Variants in TTN observed in about 807,000 individuals in gnomAD.
The protein encoded by TTN is titin.
In TTN, 1,525 loss-of-function variants were observed where a neutral mutation model predicts 3,223.0. That is an observed-to-expected ratio of 0.47 (90% CI 0.45 to 0.49). The LOEUF (loss-of-function observed/expected upper bound fraction) is 0.49, where lower values mean the gene tolerates loss of function less well. TTN is among the 20% of genes least tolerant of loss of function. TTN has a pLI of 0.00. For synonymous variants in TTN, 14,094 were observed against 15,161.0 expected, an observed-to-expected ratio of 0.93 and a Z score of 5.17; for missense variants, 40,786 against 43,424.0, an observed-to-expected ratio of 0.94 and a Z score of 5.40.
rs778468554 is a variant in TTN, at chr2:178,621,291, T to C, written c.45427A>G (p.Ile15143Val). The C allele has an allele frequency of 3.7e-6, 6 of 1,612,080 alleles. No homozygotes were observed. The highest frequency in any genetic ancestry group is 2.2e-5 in the East Asian group (1 of 44,560). The change falls in exon 246 of 363, where the codon ATA becomes GTA. Residue 15143 changes from isoleucine to valine, a missense_variant. Ile to Val is a conservative substitution (Grantham distance 29). Coordinates refer to ENST00000589042, the MANE Select transcript of TTN (RefSeq NM_001267550.2). ...TGGACTGGAAAGCTTTCTTTTGATATAGAGCAGACAAATTCAGCCTTTTCT... is the reference window on the plus strand; with the variant it reads ...TGGACTGGAAAGCTTTCTTTTGATACAGAGCAGACAAATTCAGCCTTTTCT... The part of the protein sequence containing the change: ...EGEKAEFVCS[I>V]SKESFPVQWK...
At chr2:178,626,711 C>A (rs962655651) in intron 240 of TTN, among the ~76,000 whole-genome samples, 1 of 151,838 alleles carries the variant, frequency 6.6e-6, no homozygotes, top group East Asian at 1.9e-4. Flanking sequence ...AACAGAGCTA[C>A]TTATCCGAGG....
Position 178,577,292 on chromosome 2 carries a change from C to G in TTN, c.69043G>C (p.Ala23015Pro), listed in dbSNP as rs1416377694. 3.7e-6 allele frequency: 6 copies of G among 1,612,814 alleles called. No homozygotes were observed. The highest frequency in any genetic ancestry group is 5.1e-6 in the Non-Finnish European group (6 of 1,179,462). Residue 23015 changes from alanine to proline, a missense_variant, in exon 324 of 363, where the codon GCG (alanine) becomes CCG (proline). Ala to Pro is a conservative substitution (Grantham distance 27, BLOSUM62 -1). Transcript: ENST00000589042. ...GTAGCAGTGATGGTATATTCACCCGCATCTTTTCTAGTGGCATACTTGATA... is the reference window on the plus strand; with the variant it reads ...GTAGCAGTGATGGTATATTCACCCGGATCTTTTCTAGTGGCATACTTGATA... ...LTIKYATRKD[A>P]GEYTITATNP...
intron 1 of TTN, 103 bp downstream of exon 1, chr2:178,807,109 T>C (rs950276071): frequency 3.9e-5 from 6 of 152,192 alleles, no homozygotes; most frequent in Non-Finnish European, 8.8e-5. Flanking sequence ...GAAATAGTCA[T>C]ACAAACACTT....
rs901298098 is a variant in TTN, at chr2:178,714,848, C to T, written c.26200+138G>A. 23 of 1,190,824 alleles carry T rather than the reference C, an allele frequency of 1.9e-5. No homozygotes were observed. The Admixed American group carries it at 5.1e-4, about 26-fold the overall frequency. 73.8% of individuals were successfully genotyped at this position (1,190,824 alleles called of 1,614,324 possible). A position where few individuals can be genotyped will look rare whatever the true frequency, so the allele number is the denominator to read the frequency against. On this transcript the variant is annotated intron_variant, in intron 90 of 362. Transcript: ENST00000589042. ...ATTTGGAAAAGGGAAGCAGACTAAA[C>T]AGAAAAGGACTTGGAGAGGAAACAA...
chr2:178,731,282 C>G (rs765203175), intron 59 of TTN, 23 bp downstream of exon 59: 58 of 1,611,934 alleles, frequency 3.6e-5, no homozygotes, highest in Non-Finnish European at 4.8e-5. Flanking sequence ...TCCTCAAACC[C>G]AAGGCAAACG....
At chr2:178,678,531 C>A in intron 143 of TTN, 34 bp from the exon 144 acceptor site, 1 of 1,486,142 alleles carries the variant, frequency 6.7e-7, no homozygotes, top group Non-Finnish European at 9.1e-7. Context: ...AAATTTTATA[C>A]GACATAAAAA....
rs34928195 is a variant in TTN, at chr2:178,612,605, AT to A, written c.49949-30del. The A allele has an allele frequency of 0.33, 418,213 of 1,277,912 alleles. 62,378 individuals are homozygous for A. Among genetic ancestry groups the A allele is most frequent in the East Asian group, 0.7 (28,664 of 40,662 alleles). 79.2% of individuals were successfully genotyped at this position (1,277,912 alleles called of 1,614,324 possible). A position where few individuals can be genotyped will look rare whatever the true frequency, so the allele number is the denominator to read the frequency against. On this transcript the variant is annotated intron_variant, in intron 265 of 362. Coordinates refer to ENST00000589042, the MANE Select transcript of TTN (RefSeq NM_001267550.2). ...AAAAAGAAGGAAGGAAAACAAATTC[AT>A]TTTTTTTTTTATTACCCAATAGTCA...
chr2:178,728,074 C>A, intron 67 of TTN, 36 bp downstream of exon 67: 1 of 1,515,956 alleles, frequency 6.6e-7, no homozygotes, highest in South Asian at 1.4e-5. Flanking sequence ...GAAGCATTCG[C>A]AAGGAAGAAT....
At chr2:178,685,114 T>C (rs1253548041) in intron 129 of TTN, 125 bp from the exon 130 acceptor site, 2 of 1,137,778 alleles carry the variant, frequency 1.8e-6, no homozygotes, top group African/African-American at 3.2e-5. Context: ...CTATACTCAG[T>C]AAATACGTTC....
chr2:178,592,888 A>G lies in TTN; in HGVS notation c.59231T>C (p.Val19744Ala). ...GGTTTGACCGTCCCGAAGACCGGTG[A>G]CTTTATATTTAGTTTCAGGACATGA... ...PESCPETKYKVTGLRDGQTYK... is the reference protein window; with the variant it reads ...PESCPETKYKATGLRDGQTYK... Residue 19744 changes from valine (V) to alanine (A), a missense_variant, in exon 300 of 363, where the codon GTC becomes GCC. Transcript: ENST00000589042. 6.2e-7 allele frequency: 1 copy of G among 1,613,480 alleles called. No homozygotes were observed. Among genetic ancestry groups the G allele is most frequent in the Non-Finnish European group, 8.5e-7 (1 of 1,179,584 alleles).
At position 178,531,899 on chromosome 2, in the gene TTN, C is replaced by G. The variant is rs1426713548; in HGVS notation, c.104716G>C (p.Asp34906His). 6.2e-7 allele frequency: 1 copy of G among 1,612,500 alleles called. No individual in the cohort carries two copies. Among genetic ancestry groups the G allele is most frequent in the Non-Finnish European group, 8.5e-7 (1 of 1,179,082 alleles). Reference sequence around the variant, plus strand: ...ATGGACTCATACCTGGAAAAGATATCAAATCTTGCAGACCTCTCAAATCTC... The same window carrying G: ...ATGGACTCATACCTGGAAAAGATATGAAATCTTGCAGACCTCTCAAATCTC... ...LSRFERSARFDIFSRYESMKA... is the reference protein window; with the variant it reads ...LSRFERSARFHIFSRYESMKA... Residue 34906 changes from aspartate to histidine, a missense_variant, in exon 358 of 363, where the codon GAT becomes CAT. Transcript: ENST00000589042.
chr2:178,667,208 T>G, intron 162 of TTN, 28 bp downstream of exon 162: 1 of 1,547,322 alleles, frequency 6.5e-7, no homozygotes, highest in Non-Finnish European at 8.8e-7. Flanking sequence ...ATTTTCTTCT[T>G]TAGATTTTCC....
rs752660748 is a variant in TTN at position 178,611,675 on chromosome 2, G to A, written c.50554C>T (p.Pro16852Ser). ...TGTAGGTCAAGGGGTGGTGAGGGAG[G>A]ACCTGAGAAAAGAGTGAAATATTCA... ...EILSIEDPTSPPSPPLDLHVT... is the reference protein window; with the variant it reads ...EILSIEDPTSSPSPPLDLHVT... The change falls in exon 269 of 363, where the codon CCT (proline) becomes TCT (serine). Residue 16852 changes from proline to serine, a missense_variant and splice_region_variant. By Grantham distance (74) the Pro-to-Ser change is moderately conservative. Coordinates refer to ENST00000589042, the MANE Select transcript of TTN (RefSeq NM_001267550.2). 3.0e-5 allele frequency: 48 copies of A among 1,612,442 alleles called. No individual in the cohort carries two copies. Among genetic ancestry groups the A allele is most frequent in the Non-Finnish European group, 4.0e-5 (47 of 1,179,238 alleles).
intron 217 of TTN, 22 bp from the exon 218 acceptor site, chr2:178,644,638 T>C: frequency 6.6e-7 from 1 of 1,508,434 alleles, no homozygotes; most frequent in Non-Finnish European, 8.9e-7. Flanking sequence ...ATGATTTTAC[T>C]TTTGTTATTT....
rs761425517 is a variant in TTN, at chr2:178,579,803, T to G, written c.67394A>C (p.Lys22465Thr). Residue 22465 changes from lysine to threonine, a missense_variant, in exon 319 of 363, where the codon AAG becomes ACG. Physicochemically the swap from Lys to Thr is moderately conservative, Grantham distance 78. Coordinates refer to ENST00000589042, the MANE Select transcript of TTN (RefSeq NM_001267550.2). Reference protein sequence around the residue: ...VVDLKVRSVSKSSCSIGWKKP... With the variant: ...VVDLKVRSVSTSSCSIGWKKP... ...TTTCCAGCCAATGCTACAGGATGAC[T>G]TAGATACAGACCTCACTTTCAGGTC... 1 of 1,613,338 alleles carries G rather than the reference T, an allele frequency of 6.2e-7. No homozygotes were observed. The highest frequency in any genetic ancestry group is 1.1e-5 in the South Asian group (1 of 91,062).
At position 178,718,616 on chromosome 2, in the gene TTN, A is replaced by G. The variant is rs200319727; in HGVS notation, c.24506-16T>C. The G allele has an allele frequency of 4.5e-4, 724 of 1,605,712 alleles. No homozygotes were observed. Among genetic ancestry groups the G allele is most frequent in the Non-Finnish European group, 5.0e-4 (593 of 1,175,366 alleles). On this transcript the variant is annotated splice_polypyrimidine_tract_variant and intron_variant, in intron 84 of 362. Transcript: ENST00000589042. ...GTGGCTGGTTCTATAAGGAGAAAACATGTGGGTAAAATTCTTGCCTTCTAA... is the reference window on the plus strand; with the variant it reads ...GTGGCTGGTTCTATAAGGAGAAAACGTGTGGGTAAAATTCTTGCCTTCTAA...
rs745578231 is a variant in TTN at position 178,695,382 on chromosome 2, T to C, written c.31236A>G (p.Lys10412=). Reference sequence around the variant, plus strand: ...GTGGTGGTGCTTTCTTTTCAGGTACTTTGGCTGGAACTTTTCTCTCATGTG... The same window carrying C: ...GTGGTGGTGCTTTCTTTTCAGGTACCTTGGCTGGAACTTTTCTCTCATGTG... ...EESHERKVPA[K]VPEKKAPPPP... is the part of the protein sequence containing the mutation. Residue 10412 remains lysine, a synonymous_variant, in exon 115 of 363, where the codon AAA becomes AAG. Coordinates refer to ENST00000589042, the MANE Select transcript of TTN (RefSeq NM_001267550.2). 5 of 1,612,376 alleles carry C rather than the reference T, an allele frequency of 3.1e-6. No homozygotes were observed. Among genetic ancestry groups the C allele is most frequent in the Non-Finnish European group, 3.4e-6 (4 of 1,178,764 alleles).
At chr2:178,699,514 C>T (rs2074459193) in intron 111 of TTN, among the ~76,000 whole-genome samples, 1 of 141,650 alleles carries the variant, frequency 7.1e-6, no homozygotes. Context: ...CAGGTCCACA[C>T]CATTCTCCTG....
intron 117 of TTN, 172 bp downstream of exon 117, chr2:178,694,427 G>A (rs527833326): frequency 6.1e-5 from 31 of 508,724 alleles, no homozygotes; most frequent in African/African-American, 5.9e-4. Context: ...AGTAGATAAT[G>A]TTACTATTTA....
Sources: allele counts gnomAD v4.1 joint callset (sites outside exome capture counted in the v4.1 genomes callset), GRCh38; gene constraint gnomAD v4.1.1; transcripts MANE v1.5; gene names NCBI Gene and HGNC (gene_info 2026-07-23, HGNC 2026-07-21).